CD4: variants seen among roughly 807,000 people sequenced by gnomAD.
The protein encoded by CD4 is CD4 molecule, also known as T-cell surface glycoprotein CD4.
A neutral mutation model predicts 50.5 loss-of-function variants in CD4; 25 were observed. The ratio of observed to expected loss-of-function variants is 0.49; its 90% confidence interval spans 0.36 to 0.69. The LOEUF is 0.69. Among genes scored for constraint, CD4 ranks in the 30% least tolerant of loss-of-function variants. CD4 has a pLI of 0.00. For missense variants in CD4, 456 were observed against 548.5 expected, an observed-to-expected ratio of 0.83 and a Z score of 1.68; for synonymous variants, 207 against 221.9, an observed-to-expected ratio of 0.93 and a Z score of 0.60.
chr12:6,818,023 T>A lies in CD4; in HGVS notation c.1157-398T>A, dbSNP rs1331372005. On this transcript the variant is annotated intron_variant, in intron 7 of 9. Coordinates refer to ENST00000011653, the MANE Select transcript of CD4 (RefSeq NM_000616.5). This position sits in a 1 kb window ranked among gnomAD's most constrained non-coding sequence, Gnocchi z 5.0. ...GCATGCAGTCACGCACACACATTCA[T>A]ACACGCACACAGGCACACATTCACA... Among the ~76,000 whole-genome samples the A allele has an allele frequency of 6.9e-6, 1 of 144,856 alleles. No homozygotes were observed. Among genetic ancestry groups the A allele is most frequent in the Non-Finnish European group, 1.5e-5 (1 of 65,838 alleles).
chr12:6,807,563 T>C (rs1555116375), intron 3 of CD4, among the ~76,000 whole-genome samples: 1 of 151,922 alleles, frequency 6.6e-6, no homozygotes, highest in Non-Finnish European at 1.5e-5. Flanking sequence ...GTTAAGGGGC[T>C]CAGGGATGGG....
At chr12:6,815,030 C>T (rs782809525) in intron 5 of CD4, 38 bp downstream of exon 5, 1 of 1,419,982 alleles carries the variant, frequency 7.0e-7, no homozygotes, top group Non-Finnish European at 9.8e-7. Flanking sequence ...TCCTCCCTGC[C>T]CCAGGGGCTG....
At position 6,818,890 on chromosome 12, in the gene CD4, A is replaced by C. The variant is rs142225058; in HGVS notation, c.1322A>C (p.Glu441Ala). The change falls in exon 9 of 10, where the codon GAG becomes GCG. Residue 441 changes from glutamate (E) to alanine (A), a missense_variant. By Grantham distance (107) the Glu-to-Ala change is moderately radical (BLOSUM62 -1). Coordinates refer to ENST00000011653, the MANE Select transcript of CD4 (RefSeq NM_000616.5). This position sits in a 1 kb window ranked among gnomAD's most constrained non-coding sequence, Gnocchi z 5.0. ...RMSQIKRLLS[E>A]KKTCQCPHRF... ...TCTCAGATCAAGAGACTCCTCAGTG[A>C]GAAGAAGACCTGCCAGTGTCCTCAG... The C allele has an allele frequency of 1.3e-6, 2 of 1,596,256 alleles. No individual in the cohort carries two copies. Among genetic ancestry groups the C allele is most frequent in the Non-Finnish European group, 1.7e-6 (2 of 1,169,794 alleles).
intron 3 of CD4, among the ~76,000 whole-genome samples, chr12:6,811,739 T>C (rs1055160680): frequency 5.9e-5 from 9 of 151,776 alleles, no homozygotes; most frequent in Non-Finnish European, 8.8e-5. Flanking sequence ...CTTGAACTCC[T>C]GACCTCAAGT....
At chr12:6,795,122 A>ATCTATCTC (rs1942333352) in intron 1 of CD4, among the ~76,000 whole-genome samples, 1 of 151,372 alleles carries the variant, frequency 6.6e-6, no homozygotes, top group African/African-American at 2.4e-5. Flanking sequence ...CTATCTATCT[A>ATCTATCTC]TCTATCTATC....
intron 3 of CD4, among the ~76,000 whole-genome samples, chr12:6,805,554 C>A (rs1304066340): frequency 1.6e-5 from 2 of 126,856 alleles, no homozygotes; most frequent in East Asian, 4.9e-4. Flanking sequence ...GAGTAAGAGT[C>A]TGTCTCCCGA....
chr12:6,807,304 G>GTAGCCAACAATTAGAAACAATCTA (rs1942794316), intron 3 of CD4, among the ~76,000 whole-genome samples: 1 of 152,186 alleles, frequency 6.6e-6, no homozygotes, highest in African/African-American at 2.4e-5. Context: ...TTTATTCATG[G>GTAGCCAACAATTAGAAACAATCTA]TAGCCAACAA....
intron 3 of CD4, among the ~76,000 whole-genome samples, chr12:6,806,783 G>A (rs1942774258): frequency 6.6e-6 from 1 of 152,240 alleles, no homozygotes; most frequent in Admixed American, 6.5e-5. Context: ...ATGCTGATGA[G>A]GATGTGGAGA....
intron 3 of CD4, among the ~76,000 whole-genome samples, chr12:6,801,019 C>T (rs1942528315): frequency 1.3e-5 from 2 of 151,930 alleles, no homozygotes; most frequent in Non-Finnish European, 2.9e-5. Context: ...CATCATCCCA[C>T]CTCAGCCTCC....
In CD4 at chr12:6,818,151, T is replaced by A. The variant is rs782111424; in HGVS notation, c.1157-270T>A. ...CACACACGCACACACATGCACACAC[T>A]CACACATGCACACACACATGCACTC... On this transcript the variant is annotated intron_variant, in intron 7 of 9. Transcript: ENST00000011653. This position sits in a 1 kb window ranked among gnomAD's most constrained non-coding sequence, Gnocchi z 5.0. 5.4e-5 allele frequency among the ~76,000 whole-genome samples: 8 copies of A among 149,144 alleles called. No individual in the cohort carries two copies. The East Asian group carries it at 1.0e-3, about 19-fold the overall frequency.
rs782664798 is a variant in CD4 at position 6,814,820 on chromosome 12, C to T, written c.435C>T (p.Ser145=). ...QGQSLTLTLE[S]PPGSSPSVQC... ...AGAGCCTGACCCTGACCTTGGAGAG[C>T]CCCCCTGGTAGTAGCCCCTCAGTGC... Residue 145 remains serine, a synonymous_variant, in exon 5 of 10, where the codon AGC becomes AGT. Coordinates refer to ENST00000011653, the MANE Select transcript of CD4 (RefSeq NM_000616.5). The T allele has an allele frequency of 2.5e-6, 4 of 1,613,400 alleles. No individual in the cohort carries two copies. In the South Asian group the frequency reaches 3.3e-5, roughly 13 times the overall value.
In CD4 at chr12:6,818,096, ACGCG is replaced by A. The variant is rs575532584; in HGVS notation, c.1157-321_1157-318del. Among the ~76,000 whole-genome samples, 2 of 44,126 alleles carry A rather than the reference ACGCG, an allele frequency of 4.5e-5. No individual in the cohort carries two copies. The highest frequency in any genetic ancestry group is 2.7e-3 in the East Asian group (1 of 368). The allele number at this position is 44,126 out of a possible 152,430, so 28.9% of individuals were successfully genotyped here. Reference sequence around the variant, plus strand: ...TTCACACATGGACTCACACGCGCACACGCGCGCACACACACACATTCACACCATT... The same window carrying A: ...TTCACACATGGACTCACACGCGCACACGCACACACACACATTCACACCATT... On this transcript the variant is annotated intron_variant, in intron 7 of 9. Transcript: ENST00000011653. This position sits in a 1 kb window ranked among gnomAD's most constrained non-coding sequence, Gnocchi z 5.0.
chr12:6,814,783 T>A lies in CD4; in HGVS notation c.398T>A (p.Leu133Gln). The A allele has an allele frequency of 6.2e-7, 1 of 1,613,804 alleles. No homozygotes were observed. The highest frequency in any genetic ancestry group is 8.5e-7 in the Non-Finnish European group (1 of 1,179,812). The stretch of plus-strand genomic sequence containing the variant: ...GTGACTGCCAACTCTGACACCCACC[T>A]GCTTCAGGGGCAGAGCCTGACCCTG... ...FGLTANSDTH[L>Q]LQGQSLTLTL... Residue 133 changes from leucine (L) to glutamine (Q), a missense_variant, in exon 5 of 10, where the codon CTG (leucine) becomes CAG (glutamine). Physicochemically the swap from Leu to Gln is moderately radical, Grantham distance 113 (BLOSUM62 -2). Transcript: ENST00000011653.
At chr12:6,805,430 G>T (rs1342891622) in intron 3 of CD4, among the ~76,000 whole-genome samples, 1 of 151,664 alleles carries the variant, frequency 6.6e-6, no homozygotes, top group Admixed American at 6.6e-5. Context: ...AGGTGTTGTG[G>T]CGCATGCCTG....
At chr12:6,800,230 G>A (rs1942500865) in intron 2 of CD4, 43 bp downstream of exon 2, 1 of 1,612,872 alleles carries the variant, frequency 6.2e-7, no homozygotes, top group South Asian at 1.1e-5. Flanking sequence ...TGACGTGGGA[G>A]GAAAGGCAAA....
At chr12:6,813,361 C>G (rs1226133933) in intron 3 of CD4, among the ~76,000 whole-genome samples, 1 of 150,810 alleles carries the variant, frequency 6.6e-6, no homozygotes, top group Non-Finnish European at 1.5e-5. Context: ...GCCTCATTTT[C>G]TTTTTTAATT....
intron 3 of CD4, among the ~76,000 whole-genome samples, chr12:6,804,692 G>A (rs912094809): frequency 6.6e-6 from 1 of 152,112 alleles, no homozygotes; most frequent in Non-Finnish European, 1.5e-5. Context: ...GGGCAACATA[G>A]TGAGACCTTG....
Position 6,817,199 on chromosome 12 carries a change from T to TGAAACTGGA in CD4, c.1029_1037dup (p.Lys343_Glu345dup). The TGAAACTGGA allele has an allele frequency of 6.2e-7, 1 of 1,613,972 alleles. No homozygotes were observed. Among genetic ancestry groups the TGAAACTGGA allele is most frequent in the Non-Finnish European group, 8.5e-7 (1 of 1,179,912 alleles). On this transcript the variant is annotated inframe_insertion, in exon 7 of 10. Coordinates refer to ENST00000011653, the MANE Select transcript of CD4 (RefSeq NM_000616.5). ...ACCTCCCCTAAGCTGATGCTGAGTT[T>TGAAACTGGA]GAAACTGGAGAACAAGGAGGCAAAG...
intron 5 of CD4, chr12:6,815,775 T>C: frequency 7.0e-7 from 1 of 1,423,676 alleles, no homozygotes; most frequent in Non-Finnish European, 9.3e-7. Context: ...ATGGCTTCTG[T>C]GGTCCAGGAA....
Sources: allele counts gnomAD v4.1 joint callset (sites outside exome capture counted in the v4.1 genomes callset), GRCh38; gene constraint gnomAD v4.1.1; non-coding constraint Gnocchi (gnomAD v3.1); transcripts MANE v1.5; gene names NCBI Gene and HGNC (gene_info 2026-07-23, HGNC 2026-07-21).